The following CSMD2 variants were observed in gnomAD, a reference collection of about 807,000 sequenced individuals.
CSMD2 encodes CUB and Sushi multiple domains 2.
CSMD2 carries 130 observed loss-of-function variants against 398.5 expected under a neutral mutation model. The ratio of observed to expected loss-of-function variants is 0.33; its 90% confidence interval spans 0.28 to 0.38. The LOEUF is 0.38. CSMD2 is among the 10% of genes least tolerant of loss of function. The probability of loss-of-function intolerance (pLI) is 1.00; values close to 1 mark genes in which losing one functional copy is unlikely to be tolerated. For missense variants in CSMD2, 3,829 were observed against 4,764.9 expected (o/e 0.80, Z 5.78); for synonymous variants, 1,828 against 1,908.5 (o/e 0.96, Z 1.10).
At chr1:33,946,270 G>T (rs2125355252) in intron 3 of CSMD2, among the ~76,000 whole-genome samples, 1 of 152,268 alleles carries the variant, frequency 6.6e-6, no homozygotes, top group Non-Finnish European at 1.5e-5. Context: ...AACACATTTT[G>T]GGAGGTGTTG....
At chr1:34,123,209 C>A (rs535708986) in intron 1 of CSMD2, among the ~76,000 whole-genome samples, 1 of 152,270 alleles carries the variant, frequency 6.6e-6, no homozygotes, top group South Asian at 2.1e-4. Flanking sequence ...GGGAAAGGGA[C>A]AGGGGCTGAA....
At chr1:34,146,744 T>C (rs576803946) in intron 1 of CSMD2, among the ~76,000 whole-genome samples, 1 of 152,264 alleles carries the variant, frequency 6.6e-6, no homozygotes, top group South Asian at 2.1e-4. Flanking sequence ...ACTGTGAAGA[T>C]GCATGAAGCA....
At chr1:34,060,261 A>G (rs947668519) in intron 2 of CSMD2, among the ~76,000 whole-genome samples, 7 of 152,200 alleles carry the variant, frequency 4.6e-5, no homozygotes, top group African/African-American at 1.7e-4. Context: ...AACAGACAGT[A>G]GGATTCAGTT....
chr1:33,646,734 C>A lies in CSMD2; in HGVS notation c.4688G>T (p.Arg1563Leu), dbSNP rs753808964. 16 of 1,614,208 alleles carry A rather than the reference C, an allele frequency of 9.9e-6. No individual in the cohort carries two copies. The East Asian group carries it at 1.3e-4, about 13-fold the overall frequency. The change falls in exon 29 of 71, where the codon CGC becomes CTC. Residue 1563 changes from arginine to leucine, a missense_variant. By Grantham distance (102) the Arg-to-Leu change is moderately radical. Coordinates refer to ENST00000373381, the MANE Select transcript of CSMD2 (RefSeq NM_001281956.2). The part of the protein sequence containing the change: ...GSFYGSQLPG[R>L]IESSSNSLFL... The stretch of plus-strand genomic sequence containing the variant: ...GAGGCTGTTGCTGCTGCTTTCAATG[C>A]GGCCTGGGAGCTGGGAGCCATAGAA...
rs572007792 is a variant in CSMD2 at position 33,781,407 on chromosome 1, G to A, written c.1663+7193C>T. On this transcript the variant is annotated intron_variant, in intron 12 of 70. Transcript: ENST00000373381. ...GCTACTGAAAATGGACTATGAATTA[G>A]GTGAAGGCAGAGATTGTCTTGCTGT... is the stretch of plus-strand genomic sequence containing the variant. 2.6e-5 allele frequency among the ~76,000 whole-genome samples: 4 copies of A among 152,338 alleles called. No homozygotes were observed. The South Asian group carries it at 8.3e-4, about 32-fold the overall frequency.
Position 34,097,176 on chromosome 1 carries a change from TAATA to T in CSMD2, c.188-7987_188-7984del, listed in dbSNP as rs1659416784. ...AGCAATGGGGAAAGGATTCCCTATT[TAATA>T]AATGGTGCTGGGAAAACTGGCTAGC... On this transcript the variant is annotated intron_variant, in intron 1 of 70. Transcript: ENST00000373381. Among the ~76,000 whole-genome samples the T allele has an allele frequency of 3.3e-5, 5 of 149,872 alleles. No individual in the cohort carries two copies. The East Asian group carries it at 1.0e-3, about 30-fold the overall frequency.
At chr1:33,546,469 GTGGCCCGTGCCAGTC>G (rs1031474081) in intron 56 of CSMD2, among the ~76,000 whole-genome samples, 1 of 152,224 alleles carries the variant, frequency 6.6e-6, no homozygotes, top group Non-Finnish European at 1.5e-5. Flanking sequence ...GAAAGGCTCT[GTGGCCCGTGCCAGTC>G]TGGAATTTCA....
intron 3 of CSMD2, among the ~76,000 whole-genome samples, chr1:33,972,611 C>T (rs896645733): frequency 2.0e-5 from 3 of 151,964 alleles, no homozygotes; most frequent in African/African-American, 7.3e-5. Flanking sequence ...GACGGGAGGA[C>T]GGGGCCATAA....
At position 33,821,488 on chromosome 1, in the gene CSMD2, C is replaced by A. The variant is rs1658146789; in HGVS notation, c.1112-932G>T. ...CTCAAAGCCTCACCAATCCCATGAC[C>A]CCAACAGCAACCTCTAGACAAGGGT... On this transcript the variant is annotated intron_variant, in intron 7 of 70. Coordinates refer to ENST00000373381, the MANE Select transcript of CSMD2 (RefSeq NM_001281956.2). Among the ~76,000 whole-genome samples, 4 of 152,132 alleles carry A rather than the reference C, an allele frequency of 2.6e-5. No homozygotes were observed. In the South Asian group the frequency reaches 8.3e-4, roughly 32 times the overall value.
intron 15 of CSMD2, among the ~76,000 whole-genome samples, chr1:33,727,199 G>A (rs1252300315): frequency 1.3e-5 from 2 of 152,216 alleles, no homozygotes; most frequent in African/African-American, 4.8e-5. Context: ...TGAGCATGGT[G>A]CTTGGCACAC....
At chr1:33,819,233 A>T (rs922992170) in intron 9 of CSMD2, among the ~76,000 whole-genome samples, 2 of 152,202 alleles carry the variant, frequency 1.3e-5, no homozygotes, top group Non-Finnish European at 2.9e-5. Context: ...AAACACCCAG[A>T]TAGGGGGTTA....
intron 12 of CSMD2, among the ~76,000 whole-genome samples, chr1:33,775,873 A>G (rs1651901056): frequency 6.6e-6 from 1 of 152,226 alleles, no homozygotes; most frequent in Admixed American, 6.5e-5. Flanking sequence ...AGAATGCTAG[A>G]CTGGGAGAGT....
chr1:33,758,578 TTTA>T (rs138616271), intron 13 of CSMD2, among the ~76,000 whole-genome samples: 1,622 of 152,258 alleles, frequency 0.011, 19 homozygotes, highest in Non-Finnish European at 0.015. Context: ...CCTCAGGGAG[TTTA>T]TAGTTTAGTG....
rs11287371 is a variant in CSMD2, at chr1:33,715,907, C to CT, written c.3217+378dup. On this transcript the variant is annotated intron_variant, in intron 20 of 70. Transcript: ENST00000373381. ...CCACTCCAATATGTTAATTTCAAAC[C>CT]TTTTTTTTTTTTCATATTGCTGGGG... Among the ~76,000 whole-genome samples, 931 of 148,968 alleles carry CT rather than the reference C, an allele frequency of 6.2e-3. 23 individuals carry two copies. The highest frequency in any genetic ancestry group is 0.021 in the South Asian group (100 of 4,666).
intron 13 of CSMD2, among the ~76,000 whole-genome samples, chr1:33,747,350 C>T (rs903637011): frequency 6.6e-6 from 1 of 152,172 alleles, no homozygotes; most frequent in Non-Finnish European, 1.5e-5. Flanking sequence ...CCAGATTCTA[C>T]TGACACAAAG....
chr1:33,777,293 G>C (rs1652121450), intron 12 of CSMD2, among the ~76,000 whole-genome samples: 1 of 152,136 alleles, frequency 6.6e-6, no homozygotes, highest in South Asian at 2.1e-4. Flanking sequence ...AGATTGGGTG[G>C]AAGGAAGAGG....
chr1:33,895,476 G>A (rs1356138266), intron 5 of CSMD2, among the ~76,000 whole-genome samples: 3 of 152,194 alleles, frequency 2.0e-5, no homozygotes, highest in African/African-American at 7.2e-5. Context: ...GATGTATGGT[G>A]GATGAAGTGA....
In CSMD2 at chr1:33,571,691, C is replaced by T. The variant is rs760644629; in HGVS notation, c.7798G>A (p.Glu2600Lys). Residue 2600 changes from glutamate to lysine, a missense_variant, in exon 51 of 71, where the codon GAG (glutamate) becomes AAG (lysine). Glu to Lys is a moderately conservative substitution (Grantham distance 56). Transcript: ENST00000373381. The stretch of plus-strand genomic sequence containing the variant: ...AAGATAAGCCTCCATCGGCCATGCT[C>T]CACGCTGATGCTACTGACATCAGGA... The part of the protein sequence containing the change: ...TCPDVSSISV[E>K]HGRWRLIFET... 2 of 1,555,290 alleles carry T rather than the reference C, an allele frequency of 1.3e-6. No homozygotes were observed. Among genetic ancestry groups the T allele is most frequent in the African/African-American group, 1.4e-5 (1 of 74,002 alleles).
intron 1 of CSMD2, among the ~76,000 whole-genome samples, chr1:34,093,386 C>A (rs934090166): frequency 3.3e-5 from 5 of 152,326 alleles, no homozygotes; most frequent in Non-Finnish European, 7.3e-5. Flanking sequence ...TCCTCACCAG[C>A]AACGGAACAA....
Sources: gnomAD v4.1 joint callset for allele counts (sites outside exome capture counted in the v4.1 genomes callset) on GRCh38, gnomAD v4.1.1 for gene constraint, MANE v1.5 for transcripts, NCBI Gene and HGNC (gene_info 2026-07-23, HGNC 2026-07-21) for gene names.